Variants in PCSK5 observed in about 807,000 individuals in gnomAD.
PCSK5 encodes proprotein convertase subtilisin/kexin type 5.
In PCSK5, 129 loss-of-function variants were observed where a neutral mutation model predicts 233.2. The observed-to-expected ratio is 0.55, with a 90% CI of 0.48 to 0.64. The LOEUF is 0.64. Among genes scored for constraint, PCSK5 ranks in the 30% least tolerant of loss-of-function variants. PCSK5 has a pLI of 0.00. For synonymous variants in PCSK5, 825 were observed against 879.2 expected, an observed-to-expected ratio of 0.94 and a Z score of 1.09; for missense variants, 2,076 against 2,430.1, an observed-to-expected ratio of 0.85 and a Z score of 3.06.
chr9:76,191,228 A>C (rs1824361452), intron 20 of PCSK5, among the ~76,000 whole-genome samples: 1 of 152,216 alleles, frequency 6.6e-6, no homozygotes, highest in Non-Finnish European at 1.5e-5. Context: ...AAAAATATGC[A>C]GTTGGAACAA....
chr9:76,285,960 A>T (rs1355679162), intron 24 of PCSK5, among the ~76,000 whole-genome samples: 3 of 152,222 alleles, frequency 2.0e-5, no homozygotes, highest in Non-Finnish European at 4.4e-5. Flanking sequence ...AAGAGGAAAG[A>T]AAAGATCTGG....
At chr9:76,289,494 CACACACACACACACACGCAACAT>C (rs941683280) in intron 24 of PCSK5, among the ~76,000 whole-genome samples, 7 of 128,160 alleles carry the variant, frequency 5.5e-5, no homozygotes, top group African/African-American at 1.9e-4. Flanking sequence ...CACACACACA[CACACACACACACACACGCAACAT>C]ACACACACAC....
rs144971774 is a variant in PCSK5, at chr9:75,982,776, G to A, written c.298-3356G>A. Among the ~76,000 whole-genome samples the A allele has an allele frequency of 2.6e-3, 359 of 136,116 alleles. 3 individuals carry two copies. Among genetic ancestry groups the A allele is most frequent in the African/African-American group, 9.1e-3 (333 of 36,538 alleles). The allele number at this position is 136,116 out of a possible 152,430, so 89.3% of individuals were successfully genotyped here. On this transcript the variant is annotated intron_variant, in intron 2 of 37. Transcript: ENST00000674117. ...TTTTTTTTTTTTTTTTGGCCATGTC[G>A]TTCACATTATTTTTATGTAGTTAAA...
chr9:76,170,044 ATATAG>A (rs2131842900), intron 13 of PCSK5, among the ~76,000 whole-genome samples: 2 of 152,382 alleles, frequency 1.3e-5, no homozygotes, highest in African/African-American at 4.8e-5. Context: ...TAAAGAATAC[ATATAG>A]TATAGAACAA....
chr9:76,354,095 C>T lies in PCSK5; in HGVS notation c.5130C>T (p.Ala1710=). Residue 1710 remains alanine (A), a synonymous_variant, in exon 37 of 38, where the codon GCC becomes GCT. Coordinates refer to ENST00000674117, the MANE Select transcript of PCSK5 (RefSeq NM_001372043.1). ...ESCMECKGPG[A]KNCTLCPANL... ...GCATGGAATGCAAGGGACCAGGGGC[C>T]AAGAACTGCACCTTGTGCCCTGCCA... 6.2e-7 allele frequency: 1 copy of T among 1,608,298 alleles called. No individual in the cohort carries two copies. Among genetic ancestry groups the T allele is most frequent in the South Asian group, 1.1e-5 (1 of 89,842 alleles).
intron 5 of PCSK5, among the ~76,000 whole-genome samples, chr9:76,044,213 T>C (rs930659560): frequency 2.0e-5 from 3 of 152,230 alleles, no homozygotes; most frequent in Non-Finnish European, 4.4e-5. Flanking sequence ...TTGGCTATAA[T>C]TTTAACAACT....
intron 20 of PCSK5, among the ~76,000 whole-genome samples, chr9:76,222,269 T>A (rs932835762): frequency 6.6e-6 from 1 of 152,202 alleles, no homozygotes. Context: ...ACTGATTTTG[T>A]TTTTTGGCTA....
chr9:75,901,469 T>C (rs1554703100), intron 1 of PCSK5, among the ~76,000 whole-genome samples: 1 of 151,842 alleles, frequency 6.6e-6, no homozygotes, highest in Non-Finnish European at 1.5e-5. Flanking sequence ...TGGAGCCTGT[T>C]GGGGGTGGCG....
chr9:76,281,042 G>C (rs1383875317), intron 24 of PCSK5, among the ~76,000 whole-genome samples: 3 of 152,172 alleles, frequency 2.0e-5, no homozygotes, highest in Admixed American at 6.5e-5. Context: ...TTGGAAGCTA[G>C]CAGAGGTTAG....
chr9:76,240,416 T>C lies in PCSK5; in HGVS notation c.3074-200T>C, dbSNP rs900669376. Among the ~76,000 whole-genome samples, 3 of 152,298 alleles carry C rather than the reference T, an allele frequency of 2.0e-5. No homozygotes were observed. The East Asian group carries it at 5.8e-4, about 29-fold the overall frequency. Reference sequence around the variant, plus strand: ...CCAACCTGGTTCTCTTTGTACCCAATCAAGCTGATTCAATCTATTCAATTA... The same window carrying C: ...CCAACCTGGTTCTCTTTGTACCCAACCAAGCTGATTCAATCTATTCAATTA... On this transcript the variant is annotated intron_variant, in intron 23 of 37. Transcript: ENST00000674117.
At chr9:76,214,441 C>T (rs991876337) in intron 20 of PCSK5, among the ~76,000 whole-genome samples, 8 of 152,070 alleles carry the variant, frequency 5.3e-5, no homozygotes, top group African/African-American at 1.9e-4. Context: ...GTATGTATAG[C>T]AAAACTCTGG....
At chr9:75,944,482 G>C (rs1257488685) in intron 2 of PCSK5, among the ~76,000 whole-genome samples, 1 of 152,070 alleles carries the variant, frequency 6.6e-6, no homozygotes, top group Non-Finnish European at 1.5e-5. Flanking sequence ...ATATATTTCT[G>C]TTCTCATCTG....
chr9:75,932,080 C>A (rs1823832810), intron 1 of PCSK5, among the ~76,000 whole-genome samples: 1 of 152,192 alleles, frequency 6.6e-6, no homozygotes, highest in Admixed American at 6.5e-5. Context: ...TATAGAATTA[C>A]TTAAAATGCT....
intron 3 of PCSK5, among the ~76,000 whole-genome samples, chr9:75,996,316 C>T (rs541963793): frequency 9.9e-5 from 15 of 151,992 alleles, no homozygotes; most frequent in Admixed American, 3.3e-4. Flanking sequence ...TTCCTGATGC[C>T]AAGGATAAAA....
At chr9:76,115,220 C>A (rs7046252) in intron 9 of PCSK5, among the ~76,000 whole-genome samples, 46,328 of 151,846 alleles carry the variant, frequency 0.31, 7,304 homozygotes, top group Non-Finnish European at 0.34. Flanking sequence ...GCACCAAGAC[C>A]TGTAGCAAAT....
intron 10 of PCSK5, among the ~76,000 whole-genome samples, chr9:76,147,202 C>T (rs9314838): frequency 0.48 from 72,514 of 151,978 alleles, 17,519 homozygotes; most frequent in South Asian, 0.57. Context: ...GTATCTAGAC[C>T]AATCTGTCCC....
At chr9:76,261,300 G>C (rs976595950) in intron 24 of PCSK5, among the ~76,000 whole-genome samples, 1 of 152,162 alleles carries the variant, frequency 6.6e-6, no homozygotes. Flanking sequence ...ATAAACCGTT[G>C]CCTTTCTCCA....
At chr9:75,963,813 AG>A (rs534697570) in intron 2 of PCSK5, among the ~76,000 whole-genome samples, 2 of 152,344 alleles carry the variant, frequency 1.3e-5, no homozygotes, top group South Asian at 4.1e-4. Context: ...CAGGAGGCAA[AG>A]GTTGCAGTGA....
chr9:76,014,297 C>G (rs999736731), intron 3 of PCSK5, among the ~76,000 whole-genome samples: 1 of 152,134 alleles, frequency 6.6e-6, no homozygotes, highest in Non-Finnish European at 1.5e-5. Context: ...GGAATTGTTT[C>G]TTGGCATATA....
Sources: gnomAD v4.1 joint callset for allele counts (sites outside exome capture counted in the v4.1 genomes callset) on GRCh38, gnomAD v4.1.1 for gene constraint, MANE v1.5 for transcripts, NCBI Gene and HGNC (gene_info 2026-07-23, HGNC 2026-07-21) for gene names.